The following CMTM8 variants were observed in gnomAD, a reference collection of about 807,000 sequenced individuals.
CMTM8 encodes the protein CKLF like MARVEL transmembrane domain containing 8.
In CMTM8, 12 loss-of-function variants were observed where a neutral mutation model predicts 18.6. The observed-to-expected ratio is 0.65, with a 90% CI of 0.41 to 1.05. The LOEUF (loss-of-function observed/expected upper bound fraction) is 1.05. Ranked by LOEUF, CMTM8 falls within the 50% of genes least tolerant of loss-of-function variation. The pLI, the probability that CMTM8 is intolerant of heterozygous loss-of-function variation, is 0.00. For missense variants in CMTM8, 217 were observed against 227.2 expected (o/e 0.95, Z 0.29); for synonymous variants, 87 against 90.6 (o/e 0.96, Z 0.23).
intron 1 of CMTM8, among the ~76,000 whole-genome samples, chr3:32,260,701 A>G (rs564507748): frequency 4.1e-5 from 6 of 145,522 alleles, no homozygotes; most frequent in Middle Eastern, 3.6e-3. Flanking sequence ...TCACATGTTT[A>G]TATGTTTCTT....
chr3:32,339,557 C>T (rs1381016040), intron 1 of CMTM8, among the ~76,000 whole-genome samples: 1 of 152,176 alleles, frequency 6.6e-6, no homozygotes, highest in African/African-American at 2.4e-5. Flanking sequence ...CTTTCTAGCC[C>T]AGAGGCCAAG....
chr3:32,309,528 G>T (rs1027707810), intron 1 of CMTM8, among the ~76,000 whole-genome samples: 10 of 151,894 alleles, frequency 6.6e-5, no homozygotes, highest in African/African-American at 2.4e-4. Context: ...GGCTGGTCTC[G>T]ATGTCCTGAC....
chr3:32,316,441 C>T (rs909773051), intron 1 of CMTM8, among the ~76,000 whole-genome samples: 2 of 152,178 alleles, frequency 1.3e-5, no homozygotes, highest in African/African-American at 4.8e-5. Context: ...TTTCCCAGAT[C>T]CTTGGTGTTT....
chr3:32,281,805 A>G (rs539647168), intron 1 of CMTM8, among the ~76,000 whole-genome samples: 16 of 152,254 alleles, frequency 1.1e-4, no homozygotes, highest in South Asian at 4.1e-4. Flanking sequence ...TGAAGGCCAC[A>G]TTGACACAGT....
At chr3:32,363,837 G>T (rs1189361122) in intron 2 of CMTM8, among the ~76,000 whole-genome samples, 1 of 152,182 alleles carries the variant, frequency 6.6e-6, no homozygotes, top group East Asian at 1.9e-4. Context: ...TCCAGATAGT[G>T]CTGATACCAC....
At chr3:32,248,447 C>T (rs1444601139) in intron 1 of CMTM8, among the ~76,000 whole-genome samples, 4 of 152,112 alleles carry the variant, frequency 2.6e-5, no homozygotes, top group Non-Finnish European at 4.4e-5. Flanking sequence ...CTGCAACCTC[C>T]GCCTCCCCAG....
At chr3:32,276,894 T>C (rs543344782) in intron 1 of CMTM8, among the ~76,000 whole-genome samples, 1 of 127,762 alleles carries the variant, frequency 7.8e-6, no homozygotes, top group African/African-American at 3.1e-5. Flanking sequence ...TCCTGAGAAA[T>C]TTTTTTTTTT....
At chr3:32,313,147 A>G (rs1695852012) in intron 1 of CMTM8, among the ~76,000 whole-genome samples, 1 of 152,092 alleles carries the variant, frequency 6.6e-6, no homozygotes, top group Non-Finnish European at 1.5e-5. Flanking sequence ...TGATGGAGAC[A>G]GGAGGCAGCC....
At chr3:32,329,168 C>T (rs533568824) in intron 1 of CMTM8, among the ~76,000 whole-genome samples, 6 of 152,210 alleles carry the variant, frequency 3.9e-5, no homozygotes, top group African/African-American at 9.6e-5. Flanking sequence ...CAGGTTTAAG[C>T]GATTCTCTTG....
intron 1 of CMTM8, among the ~76,000 whole-genome samples, chr3:32,327,148 G>A (rs1323249128): frequency 1.3e-5 from 2 of 151,800 alleles, no homozygotes; most frequent in Non-Finnish European, 2.9e-5. Context: ...TCACAAAGGT[G>A]CTGTAAACAG....
At chr3:32,332,223 G>T (rs758516059) in intron 1 of CMTM8, among the ~76,000 whole-genome samples, 1 of 152,224 alleles carries the variant, frequency 6.6e-6, no homozygotes, top group African/African-American at 2.4e-5. Context: ...GTTAGCTGCA[G>T]CCCGTCGCAG....
intron 1 of CMTM8, among the ~76,000 whole-genome samples, chr3:32,273,129 A>ATGTGTGTGTGTG (rs60162265): frequency 0.064 from 9,133 of 142,896 alleles, 433 homozygotes; most frequent in African/African-American, 0.12. Flanking sequence ...ATTGGAACAA[A>ATGTGTGTGTGTG]TGTGTGTGTG....
At chr3:32,240,214 G>T (rs1285051472) in intron 1 of CMTM8, among the ~76,000 whole-genome samples, 1 of 152,204 alleles carries the variant, frequency 6.6e-6, no homozygotes, top group Admixed American at 6.5e-5. Flanking sequence ...CAAGTAGCTT[G>T]CTTGCTCCCC....
chr3:32,363,457 G>A (rs775413623), intron 2 of CMTM8, among the ~76,000 whole-genome samples: 26 of 152,156 alleles, frequency 1.7e-4, no homozygotes, highest in Non-Finnish European at 2.9e-4. Context: ...TAGCCTAAAC[G>A]TGGTCACCTG....
chr3:32,256,014 C>T (rs952503578), intron 1 of CMTM8, among the ~76,000 whole-genome samples: 1 of 152,154 alleles, frequency 6.6e-6, no homozygotes, highest in African/African-American at 2.4e-5. Flanking sequence ...AGGTATGAGC[C>T]ACCGTGCCCA....
intron 1 of CMTM8, among the ~76,000 whole-genome samples, chr3:32,247,192 G>A (rs191441320): frequency 6.6e-6 from 1 of 152,230 alleles, no homozygotes; most frequent in Non-Finnish European, 1.5e-5. Context: ...TGGCATTTGT[G>A]TTTTTGAAAA....
intron 1 of CMTM8, among the ~76,000 whole-genome samples, chr3:32,336,288 A>G (rs1696385748): frequency 6.6e-6 from 1 of 152,202 alleles, no homozygotes; most frequent in Non-Finnish European, 1.5e-5. Flanking sequence ...GCCGGTTCTC[A>G]GGCTCTGTGC....
intron 1 of CMTM8, among the ~76,000 whole-genome samples, chr3:32,339,542 A>G (rs992508059): frequency 2.6e-5 from 4 of 152,148 alleles, no homozygotes; most frequent in African/African-American, 4.8e-5. Flanking sequence ...CCAATTAAAA[A>G]CTATCTTTCT....
rs753747611 is a variant in CMTM8, at chr3:32,368,001, C to G, written c.438+13C>G. 3 of 1,514,984 alleles carry G rather than the reference C, an allele frequency of 2.0e-6. No individual in the cohort carries two copies. Among genetic ancestry groups the G allele is most frequent in the Non-Finnish European group, 2.8e-6 (3 of 1,089,622 alleles). The allele number at this position is 1,514,984 out of a possible 1,614,324, so 93.8% of individuals were successfully genotyped here. On this transcript the variant is annotated intron_variant, in intron 3 of 3. Coordinates refer to ENST00000307526, the MANE Select transcript of CMTM8 (RefSeq NM_178868.5). The stretch of plus-strand genomic sequence containing the variant: ...GGCGGCCTCATCGGTGAGTAGCCCT[C>G]CATCCCCACATGATCCTCCTCTTCC...
Sources: allele counts gnomAD v4.1 joint callset (sites outside exome capture counted in the v4.1 genomes callset), GRCh38; gene constraint gnomAD v4.1.1; transcripts MANE v1.5; gene names NCBI Gene and HGNC (gene_info 2026-07-23, HGNC 2026-07-21).